Variants in CPED1 observed in about 807,000 individuals in gnomAD.
The protein encoded by CPED1 is cadherin like and PC-esterase domain containing 1, also known as cadherin-like and PC-esterase domain-containing protein 1.
Under a neutral mutation model 128.2 loss-of-function variants are expected in CPED1, and 114 were observed. The ratio of observed to expected loss-of-function variants is 0.89; its 90% CI spans 0.76 to 1.04. The LOEUF is 1.04. Ranked by LOEUF, CPED1 falls within the 50% of genes least tolerant of loss-of-function variation. The probability of loss-of-function intolerance (pLI) is 0.00; values close to 1 mark genes in which losing one functional copy is unlikely to be tolerated. For missense variants in CPED1, 1,211 were observed against 1,207.1 expected, an observed-to-expected ratio of 1.00 and a Z score of -0.05; for synonymous variants, 462 against 426.7, an observed-to-expected ratio of 1.08 and a Z score of -1.02.
At chr7:120,999,086 A>G (rs960715308) in intron 2 of CPED1, among the ~76,000 whole-genome samples, 1 of 152,218 alleles carries the variant, frequency 6.6e-6, no homozygotes, top group African/African-American at 2.4e-5. Flanking sequence ...CGATGAATGA[A>G]TAAATAAATG....
chr7:121,129,950 A>G (rs774467147), intron 11 of CPED1, among the ~76,000 whole-genome samples, 175 bp from the exon 12 acceptor site: 3 of 152,004 alleles, frequency 2.0e-5, no homozygotes, highest in South Asian at 4.1e-4. Context: ...TTAGTTTCTT[A>G]TAAAAAGTGG....
intron 16 of CPED1, among the ~76,000 whole-genome samples, chr7:121,204,450 C>CA (rs1797472463): frequency 6.6e-6 from 1 of 152,054 alleles, no homozygotes; most frequent in Non-Finnish European, 1.5e-5. Flanking sequence ...TCAAGTCTAC[C>CA]AGTCCACACA....
At chr7:121,280,747 TTA>T (rs76430892) in intron 22 of CPED1, among the ~76,000 whole-genome samples, 3,521 of 152,262 alleles carry the variant, frequency 0.023, 53 homozygotes, top group Non-Finnish European at 0.034. Flanking sequence ...TGAAGTGAAA[TTA>T]TGAGTTATAA....
intron 16 of CPED1, among the ~76,000 whole-genome samples, chr7:121,147,954 C>T (rs1796064416): frequency 1.3e-5 from 2 of 152,026 alleles, no homozygotes; most frequent in South Asian, 4.1e-4. Flanking sequence ...AGAACTCTCT[C>T]ATTTATTTTT....
chr7:121,028,576 G>C (rs1792655454), intron 3 of CPED1, among the ~76,000 whole-genome samples: 1 of 152,128 alleles, frequency 6.6e-6, no homozygotes, highest in Admixed American at 6.6e-5. Context: ...ACTGTCTTTG[G>C]ACACACCGAA....
chr7:121,058,929 A>G (rs998944815), intron 4 of CPED1, among the ~76,000 whole-genome samples: 1 of 152,194 alleles, frequency 6.6e-6, no homozygotes, highest in Admixed American at 6.5e-5. Context: ...AAGATTACTA[A>G]TCCCATTAGA....
chr7:121,150,412 G>A (rs1005559926), intron 16 of CPED1, among the ~76,000 whole-genome samples: 4 of 151,746 alleles, frequency 2.6e-5, no homozygotes, highest in Admixed American at 6.6e-5. Context: ...GTAGTATTCC[G>A]CATGGTGTAT....
chr7:121,022,783 A>G (rs1054628116), intron 3 of CPED1, among the ~76,000 whole-genome samples: 1 of 152,148 alleles, frequency 6.6e-6, no homozygotes, highest in African/African-American at 2.4e-5. Flanking sequence ...AAACCGCGTC[A>G]TATCACTTAG....
intron 16 of CPED1, among the ~76,000 whole-genome samples, chr7:121,193,640 G>T (rs1196607206): frequency 6.6e-6 from 1 of 152,094 alleles, no homozygotes; most frequent in Non-Finnish European, 1.5e-5. Context: ...ATAGAGAGAA[G>T]TTGCCATTTC....
chr7:121,215,981 T>A (rs1314259896), intron 16 of CPED1, among the ~76,000 whole-genome samples: 1 of 151,846 alleles, frequency 6.6e-6, no homozygotes, highest in Non-Finnish European at 1.5e-5. Context: ...GATAAGAAAA[T>A]TAAGGCAAAA....
chr7:121,276,368 C>T (rs1361132378), intron 22 of CPED1, among the ~76,000 whole-genome samples: 5 of 152,216 alleles, frequency 3.3e-5, no homozygotes, highest in Middle Eastern at 3.4e-3. Flanking sequence ...ATATTTTCCA[C>T]GTCTTTCTCC....
chr7:121,190,171 T>G (rs1797102719), intron 16 of CPED1, among the ~76,000 whole-genome samples: 1 of 152,000 alleles, frequency 6.6e-6, no homozygotes, highest in African/African-American at 2.4e-5. Flanking sequence ...AAAGCCCATT[T>G]GATGAGGTGA....
At chr7:121,017,087 A>G (rs1184738122) in intron 3 of CPED1, among the ~76,000 whole-genome samples, 1 of 152,204 alleles carries the variant, frequency 6.6e-6, no homozygotes, top group Non-Finnish European at 1.5e-5. Context: ...ACTGTGAGCT[A>G]CTTAGAAGAA....
At chr7:121,242,918 A>G (rs1269875155) in intron 17 of CPED1, among the ~76,000 whole-genome samples, 1 of 151,978 alleles carries the variant, frequency 6.6e-6, no homozygotes, top group Non-Finnish European at 1.5e-5. Context: ...CATCTTTCAT[A>G]TTTTATATTA....
intron 7 of CPED1, among the ~76,000 whole-genome samples, chr7:121,109,090 T>C (rs774879331): frequency 2.6e-5 from 4 of 152,146 alleles, no homozygotes; most frequent in Admixed American, 6.6e-5. Context: ...TGCTGTTAAC[T>C]GGAATTCCTT....
chr7:121,117,977 G>T (rs766943062), intron 7 of CPED1, among the ~76,000 whole-genome samples: 3 of 151,588 alleles, frequency 2.0e-5, no homozygotes, highest in African/African-American at 7.3e-5. Flanking sequence ...GCAAGTGAAG[G>T]ATGCCAATCA....
chr7:121,281,772 C>G (rs1205092244), intron 22 of CPED1, among the ~76,000 whole-genome samples: 1 of 152,036 alleles, frequency 6.6e-6, no homozygotes, highest in African/African-American at 2.4e-5. Context: ...ACTTGAAAGT[C>G]TTGAAAGTCT....
intron 15 of CPED1, among the ~76,000 whole-genome samples, 176 bp from the exon 16 acceptor site, chr7:121,141,797 G>A (rs1014277850): frequency 6.6e-6 from 1 of 152,034 alleles, no homozygotes; most frequent in African/African-American, 2.4e-5. Flanking sequence ...GCATAGTAAA[G>A]TACTGTGAAA....
intron 10 of CPED1, among the ~76,000 whole-genome samples, chr7:121,127,601 T>G (rs1472502431): frequency 1.3e-5 from 2 of 150,652 alleles, no homozygotes; most frequent in East Asian, 3.9e-4. Context: ...AGTGGCACGA[T>G]CTTGACTCAC....
Sources: gnomAD v4.1 joint callset for allele counts (sites outside exome capture counted in the v4.1 genomes callset) on GRCh38, gnomAD v4.1.1 for gene constraint, MANE v1.5 for transcripts, NCBI Gene and HGNC (gene_info 2026-07-23, HGNC 2026-07-21) for gene names.